The following KLHL4 variants were observed in gnomAD, a reference collection of about 807,000 sequenced individuals.
KLHL4 encodes the protein kelch-like protein 4.
Under a neutral mutation model 45.8 loss-of-function variants are expected in KLHL4, and 17 were observed. The ratio of observed to expected loss-of-function variants is 0.37; its 90% CI spans 0.25 to 0.56. The LOEUF (loss-of-function observed/expected upper bound fraction) is 0.56, where lower values mean the gene tolerates loss of function less well. Among genes scored for constraint, KLHL4 ranks in the 20% least tolerant of loss-of-function variants. The probability of loss-of-function intolerance (pLI) is 0.79; values close to 1 mark genes in which losing one functional copy is unlikely to be tolerated. For synonymous variants in KLHL4, 224 were observed against 189.9 expected, an observed-to-expected ratio of 1.18 and a Z score of -1.47; for missense variants, 544 against 544.9, an observed-to-expected ratio of 1.00 and a Z score of 0.02.
chrX:87,643,972 T>C (rs1275543983), intron 9 of KLHL4, among the ~76,000 whole-genome samples: 1 of 111,202 alleles, frequency 9.0e-6, no homozygotes, highest in Non-Finnish European at 1.9e-5. Context: ...TTGAAAACAT[T>C]CCCTCTGAGA....
chrX:87,614,134 T>C (rs1404494268), intron 2 of KLHL4, 90 bp downstream of exon 2: 6 of 686,446 alleles, frequency 8.7e-6, no homozygotes, highest in African/African-American at 2.2e-5. Flanking sequence ...TGGAATATTG[T>C]AAAAATATTT....
chrX:87,633,763 G>A lies in KLHL4; in HGVS notation c.1564G>A (p.Glu522Lys), dbSNP rs1363322838. The A allele has an allele frequency of 8.4e-7, 1 of 1,191,600 alleles. No individual in the cohort carries two copies. The highest frequency in any genetic ancestry group is 3.0e-5 in the East Asian group (1 of 33,380). Residue 522 changes from glutamate to lysine, a missense_variant, in exon 8 of 11, where the codon GAA (glutamate) becomes AAA (lysine). Glu to Lys is a moderately conservative substitution (Grantham distance 56, BLOSUM62 1). Coordinates refer to ENST00000373119, the MANE Select transcript of KLHL4 (RefSeq NM_019117.5). ...HRHGLGVATLEGPMYAVGGHD... is the reference protein window; with the variant it reads ...HRHGLGVATLKGPMYAVGGHD... The stretch of plus-strand genomic sequence containing the variant: ...AATTTTTTTAGGTGTAGCCACTCTT[G>A]AAGGACCAATGTATGCTGTAGGTGG...
At chrX:87,658,337 G>A (rs916484531) in intron 9 of KLHL4, among the ~76,000 whole-genome samples, 14 of 111,674 alleles carry the variant, frequency 1.3e-4, no homozygotes, top group African/African-American at 4.6e-4. Context: ...GACTTGCCCA[G>A]CTAGTGACTG....
chrX:87,636,755 T>C (rs1602456673), intron 9 of KLHL4, among the ~76,000 whole-genome samples: 1 of 108,979 alleles, frequency 9.2e-6, no homozygotes, highest in South Asian at 4.2e-4. Flanking sequence ...CTAGCCATAA[T>C]CCCCCTGGGA....
intron 9 of KLHL4, among the ~76,000 whole-genome samples, chrX:87,644,842 A>G (rs1209988577): frequency 8.9e-6 from 1 of 112,051 alleles, no homozygotes; most frequent in Non-Finnish European, 1.9e-5. Context: ...ATTATAGGCT[A>G]GCCACATATA....
chrX:87,659,976 G>GTGTGTGTT (rs1240524021), intron 9 of KLHL4, among the ~76,000 whole-genome samples: 2 of 110,302 alleles, frequency 1.8e-5, no homozygotes, highest in African/African-American at 6.6e-5. Context: ...GTGTGTGTGT[G>GTGTGTGTT]TGTGTGCACG....
At chrX:87,638,854 G>A (rs191775455) in intron 9 of KLHL4, among the ~76,000 whole-genome samples, 189 of 111,315 alleles carry the variant, frequency 1.7e-3, no homozygotes, top group Middle Eastern at 4.6e-3. Flanking sequence ...CAATAGTAAC[G>A]GTGAATGTAA....
intron 9 of KLHL4, among the ~76,000 whole-genome samples, chrX:87,640,208 C>A (rs779051413): frequency 9.0e-6 from 1 of 110,600 alleles, no homozygotes; most frequent in African/African-American, 3.3e-5. Context: ...TAAAAAGTTA[C>A]CAACAAAAAA....
intron 1 of KLHL4, among the ~76,000 whole-genome samples, chrX:87,566,717 C>A (rs1932219314): frequency 9.0e-6 from 1 of 111,666 alleles, no homozygotes; most frequent in South Asian, 3.7e-4. Flanking sequence ...AATCTAGCGT[C>A]ATAGTAAAAG....
rs781430571 is a variant in KLHL4 at position 87,625,308 on chromosome X, T to TCTG, written c.1138-300_1138-298dup. Among the ~76,000 whole-genome samples, 885 of 112,230 alleles carry TCTG rather than the reference T, an allele frequency of 7.9e-3. 10 individuals are homozygous for TCTG. The highest frequency in any genetic ancestry group is 0.012 in the Non-Finnish European group (617 of 53,260). On this transcript the variant is annotated intron_variant, in intron 5 of 10. Transcript: ENST00000373119. ...TACATTTCGGTTTGCTCAAGTTTTC[T>TCTG]CTGCCTCTACCTCCCGGGCTCAAAC...
intron 6 of KLHL4, among the ~76,000 whole-genome samples, chrX:87,627,941 T>C (rs1922983323): frequency 9.0e-6 from 1 of 111,212 alleles, no homozygotes; most frequent in South Asian, 3.7e-4. Flanking sequence ...TATAAGTATC[T>C]ATAACTCCTT....
chrX:87,642,479 A>G, intron 9 of KLHL4, among the ~76,000 whole-genome samples: 1 of 112,091 alleles, frequency 8.9e-6, no homozygotes, highest in Non-Finnish European at 1.9e-5. Flanking sequence ...TAATATGACA[A>G]AACAAGGCTC....
chrX:87,575,281 A>C (rs1051792586), intron 1 of KLHL4, among the ~76,000 whole-genome samples: 4 of 111,535 alleles, frequency 3.6e-5, no homozygotes, highest in Non-Finnish European at 7.5e-5. Flanking sequence ...CAGCAGCAGC[A>C]TTAGATTCTC....
At chrX:87,571,987 G>T (rs921812491) in intron 1 of KLHL4, among the ~76,000 whole-genome samples, 10 of 110,746 alleles carry the variant, frequency 9.0e-5, no homozygotes, top group African/African-American at 3.3e-4. Flanking sequence ...TTGGCTTGAG[G>T]GGGCAGGTGA....
Position 87,632,386 on chromosome X carries a change from A to G in KLHL4, c.1501A>G (p.Lys501Glu), listed in dbSNP as rs767979837. Residue 501 changes from lysine to glutamate, a missense_variant, in exon 7 of 11, where the codon AAA becomes GAA. Coordinates refer to ENST00000373119, the MANE Select transcript of KLHL4 (RefSeq NM_019117.5). Reference protein sequence around the residue: ...NTVECFNPVGKIWTVMPPMST... With the variant: ...NTVECFNPVGEIWTVMPPMST... ...AGTGGAATGTTTTAATCCAGTTGGC[A>G]AAATCTGGACTGTGATGCCTCCCAT... 18 of 1,208,627 alleles carry G rather than the reference A, an allele frequency of 1.5e-5. No homozygotes were observed. The highest frequency in any genetic ancestry group is 1.5e-4 in the East Asian group (5 of 33,740).
intron 1 of KLHL4, among the ~76,000 whole-genome samples, chrX:87,584,608 A>T (rs145464191): frequency 0.022 from 2,488 of 111,269 alleles, 31 homozygotes; most frequent in Middle Eastern, 0.037. Context: ...AGCAGGATGG[A>T]TCTAGCAGAA....
At chrX:87,549,740 A>G (rs1373427438) in intron 1 of KLHL4, among the ~76,000 whole-genome samples, 1 of 111,519 alleles carries the variant, frequency 9.0e-6, no homozygotes, top group Non-Finnish European at 1.9e-5. Flanking sequence ...TGGAAACACA[A>G]CATACTAAAA....
chrX:87,535,996 A>G (rs1262217613), intron 1 of KLHL4, among the ~76,000 whole-genome samples: 2 of 110,526 alleles, frequency 1.8e-5, no homozygotes, highest in Non-Finnish European at 3.8e-5. Context: ...TGCCAGGCTT[A>G]TGCTTCTTGT....
chrX:87,565,854 C>T (rs1932199587), intron 1 of KLHL4, among the ~76,000 whole-genome samples: 1 of 110,086 alleles, frequency 9.1e-6, no homozygotes, highest in African/African-American at 3.3e-5. Flanking sequence ...AAATAACACA[C>T]TGCCTCTAGA....
Sources: allele counts gnomAD v4.1 joint callset (sites outside exome capture counted in the v4.1 genomes callset), GRCh38; gene constraint gnomAD v4.1.1; transcripts MANE v1.5; gene names NCBI Gene and HGNC (gene_info 2026-07-23, HGNC 2026-07-21).